The following NRXN3 variants were observed in gnomAD, a reference collection of about 807,000 sequenced individuals.
NRXN3 encodes neurexin 3.
In NRXN3, 32 loss-of-function variants were observed where a neutral mutation model predicts 137.6. The ratio of observed to expected loss-of-function variants is 0.23; its 90% CI spans 0.18 to 0.31. The LOEUF (loss-of-function observed/expected upper bound fraction) is 0.31. Ranked by LOEUF, NRXN3 falls within the 10% of genes least tolerant of loss-of-function variation. NRXN3 has a pLI of 1.00. For missense variants in NRXN3, 1,574 were observed against 2,062.5 expected (o/e 0.76, Z 4.59); for synonymous variants, 798 against 784.5 (o/e 1.02, Z -0.29).
intron 4 of NRXN3, among the ~76,000 whole-genome samples, chr14:78,479,812 G>A (rs1030913726): frequency 2.6e-5 from 4 of 152,106 alleles, no homozygotes; most frequent in African/African-American, 9.7e-5. Context: ...CTATAGATTG[G>A]ATTGCATTAG....
chr14:78,358,768 C>A (rs1455475278), intron 4 of NRXN3, among the ~76,000 whole-genome samples: 1 of 152,162 alleles, frequency 6.6e-6, no homozygotes, highest in Non-Finnish European at 1.5e-5. Flanking sequence ...CCTGCCTTAA[C>A]TGAGCATTCT....
chr14:79,238,117 G>A (rs1308202488), intron 15 of NRXN3, among the ~76,000 whole-genome samples: 1 of 152,104 alleles, frequency 6.6e-6, no homozygotes, highest in Non-Finnish European at 1.5e-5. Flanking sequence ...TCACAGATGA[G>A]TTCAGGTGCA....
At chr14:78,306,332 T>C (rs1325455507) in intron 4 of NRXN3, among the ~76,000 whole-genome samples, 5 of 152,216 alleles carry the variant, frequency 3.3e-5, no homozygotes, top group African/African-American at 1.2e-4. Context: ...TCTGTTTGTA[T>C]AGACCTTTGC....
At chr14:78,586,579 C>T (rs1018390983) in intron 4 of NRXN3, among the ~76,000 whole-genome samples, 1 of 152,146 alleles carries the variant, frequency 6.6e-6, no homozygotes. Context: ...AGTCCTCAGC[C>T]AAGGCTCTGT....
chr14:78,270,301 A>G (rs1038865000), intron 2 of NRXN3, among the ~76,000 whole-genome samples: 5 of 152,170 alleles, frequency 3.3e-5, no homozygotes, highest in Admixed American at 2.0e-4. Context: ...CTACCAGATG[A>G]TGGGACATCT....
At chr14:79,342,041 C>T (rs1194239099) in intron 15 of NRXN3, among the ~76,000 whole-genome samples, 1 of 152,234 alleles carries the variant, frequency 6.6e-6, no homozygotes, top group African/African-American at 2.4e-5. Context: ...CTAATGCATA[C>T]TCTCACTTAA....
chr14:79,171,656 A>G (rs1413034511), intron 15 of NRXN3, among the ~76,000 whole-genome samples: 1 of 152,136 alleles, frequency 6.6e-6, no homozygotes, highest in Non-Finnish European at 1.5e-5. Flanking sequence ...ATAAGAGTGG[A>G]TATAGTATTT....
intron 8 of NRXN3, among the ~76,000 whole-genome samples, chr14:78,756,047 T>C (rs1164658951): frequency 6.6e-6 from 1 of 152,234 alleles, no homozygotes; most frequent in African/African-American, 2.4e-5. Context: ...AGGCTGCTTA[T>C]AGCAAGTAAA....
intron 15 of NRXN3, among the ~76,000 whole-genome samples, chr14:79,137,745 C>A (rs2058390255): frequency 6.6e-6 from 1 of 152,100 alleles, no homozygotes; most frequent in South Asian, 2.1e-4. Context: ...AATGACAGAG[C>A]TATTTAATTC....
chr14:79,601,088 C>G (rs221428), intron 16 of NRXN3, among the ~76,000 whole-genome samples: 68,107 of 140,784 alleles, frequency 0.48, 18,380 homozygotes, highest in African/African-American at 0.74. Context: ...TCTGTCACCA[C>G]GCTGGAGTGC....
intron 16 of NRXN3, among the ~76,000 whole-genome samples, chr14:79,637,075 G>T (rs1263709097): frequency 1.3e-5 from 2 of 152,176 alleles, no homozygotes; most frequent in Non-Finnish European, 2.9e-5. Context: ...TGAGAGTGGA[G>T]CCAGAAAGCC....
intron 18 of NRXN3, among the ~76,000 whole-genome samples, chr14:79,694,952 T>C (rs529812825): frequency 6.6e-6 from 1 of 151,980 alleles, no homozygotes; most frequent in Non-Finnish European, 1.5e-5. Flanking sequence ...GATGAAAAAC[T>C]GAAACATAGA....
At chr14:79,433,158 TG>T (rs1320705939) in intron 15 of NRXN3, among the ~76,000 whole-genome samples, 10 of 152,216 alleles carry the variant, frequency 6.6e-5, no homozygotes, top group Admixed American at 6.5e-4. Context: ...GAAAGAAACG[TG>T]GGTATTCTTT....
intron 16 of NRXN3, among the ~76,000 whole-genome samples, chr14:79,598,004 T>C (rs2097878723): frequency 6.6e-6 from 1 of 152,186 alleles, no homozygotes; most frequent in Admixed American, 6.5e-5. Context: ...TCTCTACCCA[T>C]TCCAACCCCA....
At chr14:78,508,823 A>C (rs2096049297) in intron 4 of NRXN3, among the ~76,000 whole-genome samples, 1 of 152,188 alleles carries the variant, frequency 6.6e-6, no homozygotes. Flanking sequence ...TACACTTAAA[A>C]TGGTACATTT....
chr14:79,805,079 C>G, intron 19 of NRXN3, 33 bp from the exon 20 acceptor site: 1 of 1,480,680 alleles, frequency 6.8e-7, no homozygotes, highest in Non-Finnish European at 9.4e-7. Context: ...TCTCTCTTCC[C>G]CTACCCCATT....
rs900620198 is a variant in NRXN3 at position 79,863,637 on chromosome 14, G to T, written c.*1673G>T. On this transcript the variant is annotated 3_prime_UTR_variant, in exon 21 of 21. Coordinates refer to ENST00000335750, the MANE Select transcript of NRXN3 (RefSeq NM_001330195.2). ...TTTTTTTCCTGTTTATTTCTGTTTG[G>T]TTTATATTCTGGTTGTCTTTTTCTT... The T allele has an allele frequency of 8.5e-5, 13 of 152,360 alleles. No homozygotes were observed. Among genetic ancestry groups the T allele is most frequent in the Middle Eastern group, 3.4e-3 (1 of 294 alleles). The allele number at this position is 152,360 out of a possible 1,614,324, so 9.4% of individuals were successfully genotyped here. A position where few individuals can be genotyped will look rare whatever the true frequency, so the allele number is the denominator to read the frequency against.
intron 14 of NRXN3, among the ~76,000 whole-genome samples, chr14:78,976,350 G>A (rs1465134199): frequency 5.3e-4 from 80 of 152,072 alleles, no homozygotes; most frequent in Non-Finnish European, 1.3e-4. Context: ...TGGTGAACAC[G>A]TGGTCAGGGG....
intron 17 of NRXN3, among the ~76,000 whole-genome samples, chr14:79,676,640 G>A (rs1029776747): frequency 1.3e-5 from 2 of 151,898 alleles, no homozygotes; most frequent in East Asian, 3.9e-4. Context: ...GAGATGATGG[G>A]CATGTTACTT....
Sources: allele counts gnomAD v4.1 joint callset (sites outside exome capture counted in the v4.1 genomes callset), GRCh38; gene constraint gnomAD v4.1.1; transcripts MANE v1.5; gene names NCBI Gene and HGNC (gene_info 2026-07-23, HGNC 2026-07-21).